Variants in TLR4 observed in about 807,000 individuals in gnomAD.
The protein encoded by TLR4 is toll like receptor 4.
TLR4 carries 17 observed loss-of-function variants against 27.4 expected under a neutral mutation model. The ratio of observed to expected loss-of-function variants is 0.62; its 90% confidence interval spans 0.42 to 0.93. The LOEUF (loss-of-function observed/expected upper bound fraction) is 0.93, where lower values mean the gene tolerates loss of function less well. Among genes scored for constraint, TLR4 ranks in the 40% least tolerant of loss-of-function variants. TLR4 has a pLI of 0.00. For missense variants in TLR4, 926 were observed against 962.3 expected (o/e 0.96, Z 0.50); for synonymous variants, 363 against 365.7 (o/e 0.99, Z 0.08).
chr9:117,714,305 G>T lies in TLR4; in HGVS notation c.2177G>T (p.Gly726Val), dbSNP rs746352626. The T allele has an allele frequency of 1.9e-6, 3 of 1,593,596 alleles. No homozygotes were observed. Among genetic ancestry groups the T allele is most frequent in the Non-Finnish European group, 8.6e-7 (1 of 1,165,162 alleles). ...VAIAANIIHE[G>V]FHKSRKVIVV... The stretch of plus-strand genomic sequence containing the variant: ...ATTGCTGCCAACATCATCCATGAAG[G>T]TTTCCATAAAAGCCGAAAGGTGATT... Residue 726 changes from glycine (G) to valine (V), a missense_variant, in exon 3 of 3, where the codon GGT (glycine) becomes GTT (valine). Gly to Val is a moderately radical substitution (Grantham distance 109, BLOSUM62 -3). Coordinates refer to ENST00000355622, the MANE Select transcript of TLR4 (RefSeq NM_138554.5).
rs1287739207 is a variant in TLR4 at position 117,713,556 on chromosome 9, G to A, written c.1428G>A (p.Leu476=). Residue 476 remains leucine (L), a synonymous_variant, in exon 3 of 3, where the codon TTG becomes TTA. Coordinates refer to ENST00000355622, the MANE Select transcript of TLR4 (RefSeq NM_138554.5). ...IFNGLSSLEV[L]KMAGNSFQEN... is the part of the protein sequence containing the mutation. ...ATGGCTTGTCCAGTCTCGAAGTCTT[G>A]AAAATGGCTGGCAATTCTTTCCAGG... 4 of 1,613,902 alleles carry A rather than the reference G, an allele frequency of 2.5e-6. No homozygotes were observed. The African/African-American group carries it at 4.0e-5, about 16-fold the overall frequency.
In TLR4 at chr9:117,716,444, T is replaced by C. The variant is rs575694605; in HGVS notation, c.*1796T>C. 4 of 152,332 alleles carry C rather than the reference T, an allele frequency of 2.6e-5. No individual in the cohort carries two copies. Among genetic ancestry groups the C allele is most frequent in the African/African-American group, 9.6e-5 (4 of 41,586 alleles). The allele number at this position is 152,332 out of a possible 1,614,324, so 9.4% of individuals were successfully genotyped here. A position where few individuals can be genotyped will look rare whatever the true frequency, so the allele number is the denominator to read the frequency against. On this transcript the variant is annotated 3_prime_UTR_variant, in exon 3 of 3. Coordinates refer to ENST00000355622, the MANE Select transcript of TLR4 (RefSeq NM_138554.5). ...AATAAACCCGGAGGCCATTATGCTA[T>C]GTAAAATGAGCAAGTAACAGAAAGA...
Position 117,722,067 on chromosome 9 carries a change from C to T in TLR4, c.*7419C>T, listed in dbSNP as rs1363430196. 1 of 152,306 alleles carries T rather than the reference C, an allele frequency of 6.6e-6. No individual in the cohort carries two copies. Among genetic ancestry groups the T allele is most frequent in the East Asian group, 1.9e-4 (1 of 5,182 alleles). 9.4% of individuals were successfully genotyped at this position (152,306 alleles called of 1,614,324 possible). ...ATCATCCTGGGTAGCTGAGACCCCACATAAATATATACCAGAAAAATGTTG... is the reference window on the plus strand; with the variant it reads ...ATCATCCTGGGTAGCTGAGACCCCATATAAATATATACCAGAAAAATGTTG... On this transcript the variant is annotated 3_prime_UTR_variant, in exon 3 of 3. Coordinates refer to ENST00000355622, the MANE Select transcript of TLR4 (RefSeq NM_138554.5).
chr9:117,721,806 G>A lies in TLR4; in HGVS notation c.*7158G>A, dbSNP rs987483402. On this transcript the variant is annotated 3_prime_UTR_variant, in exon 3 of 3. Coordinates refer to ENST00000355622, the MANE Select transcript of TLR4 (RefSeq NM_138554.5). Reference sequence around the variant, plus strand: ...CCACCCACATTTAATATGGTTATTGGTTTTGTTCTTGAGATTTATTGCTAA... The same window carrying A: ...CCACCCACATTTAATATGGTTATTGATTTTGTTCTTGAGATTTATTGCTAA... 6.6e-6 allele frequency: 1 copy of A among 152,142 alleles called. No homozygotes were observed. The highest frequency in any genetic ancestry group is 1.5e-5 in the Non-Finnish European group (1 of 68,020). 9.4% of individuals were successfully genotyped at this position (152,142 alleles called of 1,614,324 possible).
At position 117,711,469 on chromosome 9, in the gene TLR4, G is replaced by A. The variant is rs1170845227; in HGVS notation, c.261-920G>A. Among the ~76,000 whole-genome samples, 3 of 152,216 alleles carry A rather than the reference G, an allele frequency of 2.0e-5. No individual in the cohort carries two copies. In the South Asian group the frequency reaches 6.2e-4, roughly 32 times the overall value. ...GTAGCATGGCTTTCATTTCTTTTAG[G>A]ATAAAATTCAAAACCCTTTATCTGG... is the stretch of plus-strand genomic sequence containing the variant. On this transcript the variant is annotated intron_variant, in intron 2 of 2. Coordinates refer to ENST00000355622, the MANE Select transcript of TLR4 (RefSeq NM_138554.5).
rs1310360663 is a variant in TLR4 at position 117,713,437 on chromosome 9, A to G, written c.1309A>G (p.Met437Val). 2 of 1,613,956 alleles carry G rather than the reference A, an allele frequency of 1.2e-6. No homozygotes were observed. The highest frequency in any genetic ancestry group is 1.3e-5 in the African/African-American group (1 of 74,924). The change falls in exon 3 of 3, where the codon ATG becomes GTG. Residue 437 changes from methionine to valine, a missense_variant. Transcript: ENST00000355622. The part of the protein sequence containing the change: ...LDFQHSNLKQ[M>V]SEFSVFLSLR... Reference sequence around the variant, plus strand: ...TTTCCAGCATTCCAATTTGAAACAAATGAGTGAGTTTTCAGTATTCCTATC... The same window carrying G: ...TTTCCAGCATTCCAATTTGAAACAAGTGAGTGAGTTTTCAGTATTCCTATC...
At position 117,715,595 on chromosome 9, in the gene TLR4, A is replaced by G; in HGVS notation, c.*947A>G. On this transcript the variant is annotated 3_prime_UTR_variant, in exon 3 of 3. Coordinates refer to ENST00000355622, the MANE Select transcript of TLR4 (RefSeq NM_138554.5). ...GGAAGTGGGATGACCTCAGGAGGTC[A>G]CCTTTTCTTGATTCCAGAAACATAT... 1 of 152,200 alleles carries G rather than the reference A, an allele frequency of 6.6e-6. No homozygotes were observed. Among genetic ancestry groups the G allele is most frequent in the East Asian group, 1.9e-4 (1 of 5,188 alleles). The allele number at this position is 152,200 out of a possible 1,614,324, so 9.4% of individuals were successfully genotyped here. A position where few individuals can be genotyped will look rare whatever the true frequency, so the allele number is the denominator to read the frequency against.
rs771652507 is a variant in TLR4 at position 117,721,853 on chromosome 9, G to A, written c.*7205G>A. On this transcript the variant is annotated 3_prime_UTR_variant, in exon 3 of 3. Transcript: ENST00000355622. The stretch of plus-strand genomic sequence containing the variant: ...CTAAGATTCATGATAGCCCAGGCAA[G>A]GTCAGATAATGTATTTTTATTTTAC... The A allele has an allele frequency of 1.3e-5, 2 of 152,150 alleles. No individual in the cohort carries two copies. Among genetic ancestry groups the A allele is most frequent in the Non-Finnish European group, 2.9e-5 (2 of 68,024 alleles). The allele number at this position is 152,150 out of a possible 1,614,324, so 9.4% of individuals were successfully genotyped here. A position where few individuals can be genotyped will look rare whatever the true frequency, so the allele number is the denominator to read the frequency against.
chr9:117,708,848 C>T (rs1829182446), intron 2 of TLR4, 119 bp downstream of exon 2: 1 of 1,267,806 alleles, frequency 7.9e-7, no homozygotes. Flanking sequence ...TTCATTCATA[C>T]AACAGATGTC....
intron 1 of TLR4, chr9:117,708,314 C>T (rs918879061): frequency 1.2e-4 from 148 of 1,280,324 alleles, no homozygotes; most frequent in East Asian, 7.2e-4. Context: ...CGTTTTATCA[C>T]GGAGGTTAGA....
intron 2 of TLR4, 29 bp downstream of exon 2, chr9:117,708,758 A>G (rs1434518273): frequency 1.2e-6 from 2 of 1,613,168 alleles, no homozygotes; most frequent in Admixed American, 3.3e-5. Context: ...CATACTGCAC[A>G]AGGTGAGGTG....
chr9:117,712,740 C>T lies in TLR4; in HGVS notation c.612C>T (p.Leu204=). 1.2e-6 allele frequency: 2 copies of T among 1,614,100 alleles called. No homozygotes were observed. The highest frequency in any genetic ancestry group is 1.7e-6 in the Non-Finnish European group (2 of 1,180,004). ...DLRVLHQMPL[L]NLSLDLSLNP... Reference sequence around the variant, plus strand: ...GGGTTCTACATCAAATGCCCCTACTCAATCTCTCTTTAGACCTGTCCCTGA... The same window carrying T: ...GGGTTCTACATCAAATGCCCCTACTTAATCTCTCTTTAGACCTGTCCCTGA... The change falls in exon 3 of 3, where the codon CTC becomes CTT. Residue 204 remains leucine, a synonymous_variant. Transcript: ENST00000355622.
rs562813778 is a variant in TLR4, at chr9:117,705,208, T to C, written c.93+643T>C. Among the ~76,000 whole-genome samples the C allele has an allele frequency of 1.4e-3, 208 of 152,274 alleles. 1 individual carries two copies. The highest frequency in any genetic ancestry group is 3.7e-3 in the South Asian group (18 of 4,828). On this transcript the variant is annotated intron_variant, in intron 1 of 2. Coordinates refer to ENST00000355622, the MANE Select transcript of TLR4 (RefSeq NM_138554.5). ...AGTTTCTTTCTTAGTGAAATACCAA[T>C]CAGCTGGTTGGTAATCTTATTCATG...
Position 117,711,994 on chromosome 9 carries a change from G to C in TLR4, c.261-395G>C, listed in dbSNP as rs1421414824. 2.0e-5 allele frequency among the ~76,000 whole-genome samples: 3 copies of C among 152,236 alleles called. No individual in the cohort carries two copies. The East Asian group carries it at 5.8e-4, about 29-fold the overall frequency. On this transcript the variant is annotated intron_variant, in intron 2 of 2. Transcript: ENST00000355622. ...CAACTAACAACTATCCATATTATCT[G>C]TACCAATCAGATGTATAATCACAAT...
Position 117,714,611 on chromosome 9 carries a change from G to A in TLR4, c.2483G>A (p.Gly828Asp). The A allele has an allele frequency of 1.2e-6, 2 of 1,613,444 alleles. No individual in the cohort carries two copies. Among genetic ancestry groups the A allele is most frequent in the Non-Finnish European group, 1.7e-6 (2 of 1,179,970 alleles). The part of the protein sequence containing the change: ...GKSWNPEGTV[G>D]TGCNWQEATS... ...TCATGGAATCCAGAAGGAACAGTGG[G>A]TACAGGATGCAATTGGCAGGAAGCA... Residue 828 changes from glycine (G) to aspartate (D), a missense_variant, in exon 3 of 3, where the codon GGT becomes GAT. Coordinates refer to ENST00000355622, the MANE Select transcript of TLR4 (RefSeq NM_138554.5).
rs1279465922 is a variant in TLR4 at position 117,717,513 on chromosome 9, C to T, written c.*2865C>T. 6.6e-6 allele frequency: 1 copy of T among 152,024 alleles called. No homozygotes were observed. The highest frequency in any genetic ancestry group is 1.9e-4 in the East Asian group (1 of 5,192). 9.4% of individuals were successfully genotyped at this position (152,024 alleles called of 1,614,324 possible). ...AAATATCTTACTGTACTGTACTCAC[C>T]TATTTTCAGACCATAACTGACCATG... On this transcript the variant is annotated 3_prime_UTR_variant, in exon 3 of 3. Transcript: ENST00000355622.
At position 117,717,678 on chromosome 9, in the gene TLR4, G is replaced by C. The variant is rs1175704877; in HGVS notation, c.*3030G>C. ...TATATCCGTGCTACATGTAAGTGTG[G>C]TTCTATTCATATTTGAATATGAATT... On this transcript the variant is annotated 3_prime_UTR_variant, in exon 3 of 3. Transcript: ENST00000355622. 6.6e-6 allele frequency: 1 copy of C among 152,106 alleles called. No homozygotes were observed. Among genetic ancestry groups the C allele is most frequent in the African/African-American group, 2.4e-5 (1 of 41,414 alleles). The allele number at this position is 152,106 out of a possible 1,614,324, so 9.4% of individuals were successfully genotyped here. A position where few individuals can be genotyped will look rare whatever the true frequency, so the allele number is the denominator to read the frequency against.
At chr9:117,710,347 C>T (rs951813803) in intron 2 of TLR4, among the ~76,000 whole-genome samples, 1 of 149,066 alleles carries the variant, frequency 6.7e-6, no homozygotes, top group African/African-American at 2.4e-5. Context: ...TGTTAATTTG[C>T]TTAGGATAAT....
intron 1 of TLR4, chr9:117,708,038 CA>C (rs1204681201): frequency 4.5e-6 from 1 of 222,962 alleles, no homozygotes; most frequent in Non-Finnish European, 7.6e-6. Context: ...CATCCTTGTG[CA>C]GGGGCCATGC....
Sources: gnomAD v4.1 joint callset for allele counts (sites outside exome capture counted in the v4.1 genomes callset) on GRCh38, gnomAD v4.1.1 for gene constraint, MANE v1.5 for transcripts, NCBI Gene and HGNC (gene_info 2026-07-23, HGNC 2026-07-21) for gene names.